LRFN5: variants seen among roughly 807,000 people sequenced by gnomAD.
The protein encoded by LRFN5 is leucine-rich repeat and fibronectin type-III domain-containing protein 5.
LRFN5 carries 24 observed loss-of-function variants against 45.6 expected under a neutral mutation model. The observed-to-expected ratio is 0.53, with a 90% CI of 0.38 to 0.74. LRFN5 has a LOEUF of 0.74. Among genes scored for constraint, LRFN5 ranks in the 30% least tolerant of loss-of-function variants. The probability of loss-of-function intolerance (pLI) is 0.00; values close to 1 mark genes in which losing one functional copy is unlikely to be tolerated. For synonymous variants in LRFN5, 340 were observed against 313.8 expected (o/e 1.08, Z -0.88); for missense variants, 776 against 861.5 (o/e 0.90, Z 1.24).
At chr14:41,746,072 C>T (rs1025943931) in intron 1 of LRFN5, among the ~76,000 whole-genome samples, 9 of 151,890 alleles carry the variant, frequency 5.9e-5, no homozygotes, top group African/African-American at 2.2e-4. Context: ...CAGGCAGTTA[C>T]GCCTTATGAT....
chr14:41,617,408 T>C (rs1887963893), intron 1 of LRFN5, among the ~76,000 whole-genome samples: 1 of 152,146 alleles, frequency 6.6e-6, no homozygotes, highest in Non-Finnish European at 1.5e-5. Flanking sequence ...ACATTTTTGG[T>C]TCTAAAGAGG....
chr14:41,875,826 T>C (rs1480914152), intron 2 of LRFN5, among the ~76,000 whole-genome samples: 2 of 152,190 alleles, frequency 1.3e-5, no homozygotes, highest in Non-Finnish European at 2.9e-5. Flanking sequence ...AGTCATGTAA[T>C]ACTGTCTTCC....
intron 1 of LRFN5, among the ~76,000 whole-genome samples, chr14:41,706,711 G>C (rs932996037): frequency 6.6e-6 from 1 of 151,988 alleles, no homozygotes; most frequent in Non-Finnish European, 1.5e-5. Context: ...ATGTGTTTGC[G>C]GGCTTTTGTT....
At chr14:41,893,403 T>C (rs1243215751) in intron 4 of LRFN5, 2 of 985,126 alleles carry the variant, frequency 2.0e-6, no homozygotes, top group African/African-American at 3.5e-5. Context: ...TTGTTTTGTT[T>C]TGAGAATAAG....
intron 1 of LRFN5, among the ~76,000 whole-genome samples, chr14:41,652,223 T>TG (rs1178968092): frequency 6.6e-6 from 1 of 152,098 alleles, no homozygotes; most frequent in Non-Finnish European, 1.5e-5. Flanking sequence ...TGAAAATTAG[T>TG]GATATAATCT....
intron 2 of LRFN5, among the ~76,000 whole-genome samples, chr14:41,769,599 A>G (rs539312545): frequency 6.6e-6 from 1 of 152,286 alleles, no homozygotes; most frequent in South Asian, 2.1e-4. Context: ...CAATGACGAT[A>G]ATTATTTTAC....
At chr14:41,616,723 G>T (rs1887937150) in intron 1 of LRFN5, among the ~76,000 whole-genome samples, 1 of 152,020 alleles carries the variant, frequency 6.6e-6, no homozygotes, top group Admixed American at 6.6e-5. Context: ...TTGTCTTTAG[G>T]CATCCTGTTT....
At chr14:41,675,186 C>T (rs938034540) in intron 1 of LRFN5, among the ~76,000 whole-genome samples, 30 of 152,210 alleles carry the variant, frequency 2.0e-4, no homozygotes, top group Admixed American at 2.0e-4. Context: ...ACGCTCCTCA[C>T]TTCCCAGACG....
At chr14:41,870,825 C>T (rs1594481903) in intron 2 of LRFN5, among the ~76,000 whole-genome samples, 1 of 152,222 alleles carries the variant, frequency 6.6e-6, no homozygotes, top group East Asian at 1.9e-4. Flanking sequence ...AAAGTGTATA[C>T]ACCAGGGAGT....
chr14:41,715,170 C>A (rs1883442556), intron 1 of LRFN5, among the ~76,000 whole-genome samples: 1 of 152,130 alleles, frequency 6.6e-6, no homozygotes, highest in South Asian at 2.1e-4. Flanking sequence ...AAAACATCTT[C>A]AAAATCTTGT....
intron 1 of LRFN5, among the ~76,000 whole-genome samples, chr14:41,752,607 G>C (rs573797280): frequency 6.6e-6 from 1 of 152,044 alleles, no homozygotes; most frequent in Non-Finnish European, 1.5e-5. Context: ...ATTTTGATGG[G>C]GTTGTTTGTT....
chr14:41,810,513 C>T (rs1292455069), intron 2 of LRFN5, among the ~76,000 whole-genome samples: 1 of 151,980 alleles, frequency 6.6e-6, no homozygotes, highest in Admixed American at 6.6e-5. Context: ...TTGACTGTCT[C>T]ATTTTCCTAT....
chr14:41,892,951 C>A, intron 4 of LRFN5: 1 of 985,248 alleles, frequency 1.0e-6, no homozygotes, highest in Non-Finnish European at 1.2e-6. Flanking sequence ...ACATACAAGA[C>A]TGCCTTTATC....
At chr14:41,616,338 CTCCTT>C (rs1403233852) in intron 1 of LRFN5, among the ~76,000 whole-genome samples, 2 of 152,078 alleles carry the variant, frequency 1.3e-5, no homozygotes, top group African/African-American at 4.8e-5. Context: ...CTAACCACTT[CTCCTT>C]TAAGTCACAG....
intron 1 of LRFN5, among the ~76,000 whole-genome samples, chr14:41,758,763 C>T (rs1203414907): frequency 6.6e-6 from 1 of 152,070 alleles, no homozygotes; most frequent in Non-Finnish European, 1.5e-5. Context: ...AAAATTTGTC[C>T]CATACAGCCT....
intron 2 of LRFN5, among the ~76,000 whole-genome samples, chr14:41,799,732 A>G (rs1057070899): frequency 8.6e-5 from 13 of 152,018 alleles, no homozygotes; most frequent in African/African-American, 2.9e-4. Context: ...GAGGAGATAA[A>G]CGCATTTGGT....
At chr14:41,852,433 T>C (rs1331298324) in intron 2 of LRFN5, among the ~76,000 whole-genome samples, 4 of 151,928 alleles carry the variant, frequency 2.6e-5, no homozygotes, top group Non-Finnish European at 5.9e-5. Context: ...TTCTTTTCAC[T>C]GGCTCGCAGG....
intron 1 of LRFN5, among the ~76,000 whole-genome samples, chr14:41,652,225 A>G (rs1477084703): frequency 6.6e-6 from 1 of 152,120 alleles, no homozygotes. Context: ...AAAATTAGTG[A>G]TATAATCTTT....
chr14:41,753,811 G>C (rs1885246362), intron 1 of LRFN5, among the ~76,000 whole-genome samples: 1 of 152,148 alleles, frequency 6.6e-6, no homozygotes, highest in Non-Finnish European at 1.5e-5. Context: ...ATGTTGAATA[G>C]GAGTGGTGAG....
Sources: gnomAD v4.1 joint callset for allele counts (sites outside exome capture counted in the v4.1 genomes callset) on GRCh38, gnomAD v4.1.1 for gene constraint, MANE v1.5 for transcripts, NCBI Gene and HGNC (gene_info 2026-07-23, HGNC 2026-07-21) for gene names.